The following DPYD variants were observed in gnomAD, a reference collection of about 807,000 sequenced individuals.
The protein encoded by DPYD is dihydropyrimidine dehydrogenase [NADP(+)].
Under a neutral mutation model 116.2 loss-of-function variants are expected in DPYD, and 109 were observed. The ratio of observed to expected loss-of-function variants is 0.94; its 90% confidence interval spans 0.80 to 1.10. DPYD has a LOEUF of 1.10. DPYD is among the 50% of genes least tolerant of loss of function. The pLI is 0.00. For missense variants in DPYD, 1,302 were observed against 1,254.5 expected, an observed-to-expected ratio of 1.04 and a Z score of -0.57; for synonymous variants, 440 against 432.0, an observed-to-expected ratio of 1.02 and a Z score of -0.23.
chr1:97,333,646 G>A (rs1002299654), intron 16 of DPYD, among the ~76,000 whole-genome samples: 2 of 146,034 alleles, frequency 1.4e-5, no homozygotes, highest in Non-Finnish European at 3.0e-5. Context: ...TCAGCCTCCC[G>A]AGTAGCCGGG....
At chr1:97,691,853 G>C (rs1247947150) in intron 6 of DPYD, 55 bp from the exon 7 acceptor site, 2 of 1,417,984 alleles carry the variant, frequency 1.4e-6, no homozygotes, top group Non-Finnish European at 2.0e-6. Context: ...ACCAATCTTT[G>C]ACCAATCTTA....
intron 7 of DPYD, among the ~76,000 whole-genome samples, chr1:97,687,448 G>T (rs1660796246): frequency 6.6e-6 from 1 of 152,166 alleles, no homozygotes; most frequent in Non-Finnish European, 1.5e-5. Flanking sequence ...ACACCAGTCA[G>T]AATGGTGATT....
chr1:97,519,461 T>C (rs914516320), intron 12 of DPYD, among the ~76,000 whole-genome samples: 10 of 152,032 alleles, frequency 6.6e-5, no homozygotes, highest in African/African-American at 2.2e-4. Context: ...GAATACAAGA[T>C]GAGATTTGAG....
At position 97,416,814 on chromosome 1, in the gene DPYD, G is replaced by T. The variant is rs191631487; in HGVS notation, c.1905+33245C>A. ...CCTCCTGAGATATCCTTAACCCAGA[G>T]GTGCTCATCGAACCCCCTTTTAGGT... is the stretch of plus-strand genomic sequence containing the variant. On this transcript the variant is annotated intron_variant, in intron 14 of 22. Coordinates refer to ENST00000370192, the MANE Select transcript of DPYD (RefSeq NM_000110.4). Among the ~76,000 whole-genome samples the T allele has an allele frequency of 3.7e-3, 561 of 152,270 alleles. 6 individuals carry two copies. Among genetic ancestry groups the T allele is most frequent in the Non-Finnish European group, 4.5e-3 (309 of 68,016 alleles).
intron 13 of DPYD, among the ~76,000 whole-genome samples, chr1:97,469,397 CA>C (rs59090402): frequency 1.1e-4 from 9 of 80,804 alleles, no homozygotes; most frequent in African/African-American, 4.9e-4. Context: ...GCTAAAATTG[CA>C]AAAAAAAAAA....
chr1:97,670,475 G>A (rs1464296445), intron 8 of DPYD, among the ~76,000 whole-genome samples: 1 of 152,134 alleles, frequency 6.6e-6, no homozygotes, highest in East Asian at 1.9e-4. Flanking sequence ...CCAAGGAAAG[G>A]CCATAGGAAC....
chr1:97,751,430 G>A (rs1168372706), intron 3 of DPYD, among the ~76,000 whole-genome samples: 3 of 29,526 alleles, frequency 1.0e-4, no homozygotes, highest in Non-Finnish European at 1.8e-4. Flanking sequence ...ATATGTATAC[G>A]TGTGTGTGTG....
intron 20 of DPYD, among the ~76,000 whole-genome samples, chr1:97,108,278 C>T (rs1557867287): frequency 6.6e-6 from 1 of 152,096 alleles, no homozygotes; most frequent in Non-Finnish European, 1.5e-5. Context: ...CCTATGGCAG[C>T]CTGATGACTC....
intron 2 of DPYD, among the ~76,000 whole-genome samples, chr1:97,837,155 G>C (rs1344448577): frequency 6.6e-6 from 1 of 152,080 alleles, no homozygotes; most frequent in East Asian, 1.9e-4. Context: ...GAATTTGGCA[G>C]AGACTTCTAA....
Position 97,300,529 on chromosome 1 carries a change from T to A in DPYD, c.2299+4730A>T, listed in dbSNP as rs141357064. ...TATGATGGAATTGTAATGTGTGGTG[T>A]AAGAACTTAAAGCAATCCTGCCAAA... On this transcript the variant is annotated intron_variant, in intron 18 of 22. Transcript: ENST00000370192. Among the ~76,000 whole-genome samples the A allele has an allele frequency of 1.4e-3, 213 of 152,242 alleles. 2 individuals carry two copies. In the East Asian group the frequency reaches 0.027, roughly 19 times the overall value.
At chr1:97,152,434 TCACATA>T (rs1044803225) in intron 20 of DPYD, among the ~76,000 whole-genome samples, 2 of 106,512 alleles carry the variant, frequency 1.9e-5, no homozygotes. Context: ...GATGGCTGAA[TCACATA>T]CACACACACA....
chr1:97,536,145 T>TC (rs1240785876), intron 12 of DPYD, among the ~76,000 whole-genome samples: 2 of 152,170 alleles, frequency 1.3e-5, no homozygotes, highest in Admixed American at 1.3e-4. Flanking sequence ...AGGCCCAGTT[T>TC]CCCAATGAGA....
chr1:97,661,851 T>C (rs934018083), intron 8 of DPYD, among the ~76,000 whole-genome samples: 1 of 152,018 alleles, frequency 6.6e-6, no homozygotes, highest in Non-Finnish European at 1.5e-5. Flanking sequence ...AAAGATTTTC[T>C]TCTCCCATTC....
chr1:97,751,702 A>T (rs1459129003), intron 3 of DPYD, among the ~76,000 whole-genome samples: 1 of 151,458 alleles, frequency 6.6e-6, no homozygotes, highest in African/African-American at 2.4e-5. Context: ...CCAGAAGGTC[A>T]AGGCTGCAGT....
At chr1:97,686,471 C>T (rs989541858) in intron 7 of DPYD, among the ~76,000 whole-genome samples, 1 of 151,194 alleles carries the variant, frequency 6.6e-6, no homozygotes, top group Non-Finnish European at 1.5e-5. Flanking sequence ...CCCGTCTCTA[C>T]TAAAAATACA....
chr1:97,326,369 T>C (rs976238928), intron 16 of DPYD, among the ~76,000 whole-genome samples: 25 of 152,076 alleles, frequency 1.6e-4, no homozygotes, highest in African/African-American at 6.0e-4. Context: ...AATAGAAATC[T>C]GGATCTCAGA....
chr1:97,468,171 A>G (rs1677434881), intron 13 of DPYD, among the ~76,000 whole-genome samples: 2 of 152,212 alleles, frequency 1.3e-5, no homozygotes, highest in Non-Finnish European at 1.5e-5. Context: ...TGACTTCCAT[A>G]TGTATATATG....
intron 13 of DPYD, among the ~76,000 whole-genome samples, chr1:97,494,540 A>T (rs1679152220): frequency 6.6e-6 from 1 of 152,040 alleles, no homozygotes; most frequent in Non-Finnish European, 1.5e-5. Context: ...ATAAGAACAC[A>T]ACTTTAAGCC....
At chr1:97,698,595 T>C (rs993603786) in intron 6 of DPYD, among the ~76,000 whole-genome samples, 1 of 151,930 alleles carries the variant, frequency 6.6e-6, no homozygotes, top group Non-Finnish European at 1.5e-5. Flanking sequence ...TCCAAATGGA[T>C]ACATTTTGTA....
Sources: gnomAD v4.1 joint callset for allele counts (sites outside exome capture counted in the v4.1 genomes callset) on GRCh38, gnomAD v4.1.1 for gene constraint, MANE v1.5 for transcripts, NCBI Gene and HGNC (gene_info 2026-07-23, HGNC 2026-07-21) for gene names.